The following CCDC141 variants were observed in gnomAD, a reference collection of about 807,000 sequenced individuals.
The protein encoded by CCDC141 is coiled-coil domain-containing protein 141.
A neutral mutation model predicts 181.0 loss-of-function variants in CCDC141; 168 were observed. The observed-to-expected ratio is 0.93, with a 90% CI of 0.82 to 1.05. The LOEUF (loss-of-function observed/expected upper bound fraction) is 1.05, where lower values mean the gene tolerates loss of function less well. Ranked by LOEUF, CCDC141 falls within the 50% of genes least tolerant of loss-of-function variation. The probability of loss-of-function intolerance (pLI) is 0.00; values close to 1 mark genes in which losing one functional copy is unlikely to be tolerated. For synonymous variants in CCDC141, 666 were observed against 642.3 expected (o/e 1.04, Z -0.56); for missense variants, 1,902 against 1,788.5 (o/e 1.06, Z -1.14).
chr2:179,049,481 A>G (rs1412339470), intron 1 of CCDC141, among the ~76,000 whole-genome samples: 1 of 150,986 alleles, frequency 6.6e-6, no homozygotes, highest in Non-Finnish European at 1.5e-5. Context: ...GGTCCATTGG[A>G]CTCTTTAGTC....
chr2:178,854,465 A>G (rs1685299374), intron 19 of CCDC141, among the ~76,000 whole-genome samples: 2 of 152,192 alleles, frequency 1.3e-5, no homozygotes. Flanking sequence ...CAGAGCTTGC[A>G]GTGAGTCGAG....
intron 11 of CCDC141, among the ~76,000 whole-genome samples, chr2:178,883,759 T>C (rs937597507): frequency 3.3e-5 from 5 of 152,118 alleles, no homozygotes; most frequent in Admixed American, 2.0e-4. Flanking sequence ...GGATTGGGGT[T>C]AAATAAACTG....
intron 6 of CCDC141, among the ~76,000 whole-genome samples, chr2:178,934,524 CG>C (rs1421107350): frequency 6.6e-6 from 1 of 152,002 alleles, no homozygotes; most frequent in Non-Finnish European, 1.5e-5. Flanking sequence ...TTTTCATATT[CG>C]GTAAAGAAAG....
At chr2:178,824,061 A>AACACACACACACACAC in the CCDC141 span, among the ~76,000 whole-genome samples, 57 of 147,522 alleles carry the variant, frequency 3.9e-4, no homozygotes, top group South Asian at 1.1e-3. Context: ...TACAGAGAAA[A>AACACACACACACACAC]ACACACACAC....
At chr2:178,960,383 T>A (rs753361538) in intron 5 of CCDC141, among the ~76,000 whole-genome samples, 1 of 152,218 alleles carries the variant, frequency 6.6e-6, no homozygotes, top group Non-Finnish European at 1.5e-5. Flanking sequence ...TCCAGCTATA[T>A]GAATGTCTCT....
At chr2:178,966,114 C>T (rs1247312454) in intron 4 of CCDC141, among the ~76,000 whole-genome samples, 1 of 152,224 alleles carries the variant, frequency 6.6e-6, no homozygotes, top group African/African-American at 2.4e-5. Context: ...GCAGCCGCCC[C>T]AGTCAGGGAC....
At chr2:178,876,721 T>C (rs903674919) in intron 12 of CCDC141, 1 of 152,212 alleles carries the variant, frequency 6.6e-6, no homozygotes, top group South Asian at 2.1e-4. Context: ...GAAAGCTTAC[T>C]TGTCATATCT....
intron 2 of CCDC141, among the ~76,000 whole-genome samples, chr2:179,019,957 T>C (rs1255280798): frequency 6.6e-6 from 1 of 152,026 alleles, no homozygotes; most frequent in East Asian, 1.9e-4. Flanking sequence ...AGTTTCACCA[T>C]GTTGCCCAGG....
At chr2:178,840,954 T>A (rs1481204613) in intron 22 of CCDC141, among the ~76,000 whole-genome samples, 1 of 152,248 alleles carries the variant, frequency 6.6e-6, no homozygotes, top group Non-Finnish European at 1.5e-5. Context: ...TAAACATGTT[T>A]GTTTCTAGAG....
chr2:178,920,549 CT>C (rs768259741), intron 6 of CCDC141, among the ~76,000 whole-genome samples: 1 of 152,102 alleles, frequency 6.6e-6, no homozygotes, highest in Non-Finnish European at 1.5e-5. Flanking sequence ...TGGCAAAACC[CT>C]GTCTCTACAA....
At chr2:178,848,150 T>C (rs2154366829) in intron 21 of CCDC141, among the ~76,000 whole-genome samples, 1 of 152,294 alleles carries the variant, frequency 6.6e-6, no homozygotes, top group Admixed American at 6.5e-5. Flanking sequence ...GCATTTGGGT[T>C]TGGCTCTGAG....
Position 178,832,625 on chromosome 2 carries a change from T to C in CCDC141, c.*1548A>G, listed in dbSNP as rs1413684227. On this transcript the variant is annotated 3_prime_UTR_variant, in exon 24 of 24. Transcript: ENST00000443758. Reference sequence around the variant, plus strand: ...ATTGGATATGCAGCCCAAGAAAGTATACGCCAACTTTTTACTTGACTACAC... The same window carrying C: ...ATTGGATATGCAGCCCAAGAAAGTACACGCCAACTTTTTACTTGACTACAC... 1 of 152,140 alleles carries C rather than the reference T, an allele frequency of 6.6e-6. No individual in the cohort carries two copies. The highest frequency in any genetic ancestry group is 1.5e-5 in the Non-Finnish European group (1 of 68,006). The allele number at this position is 152,140 out of a possible 1,614,324, so 9.4% of individuals were successfully genotyped here.
intron 17 of CCDC141, among the ~76,000 whole-genome samples, chr2:178,861,493 G>C (rs565919052): frequency 6.6e-6 from 1 of 152,090 alleles, no homozygotes; most frequent in East Asian, 1.9e-4. Flanking sequence ...AAAATTAGCT[G>C]GGCATGGTGG....
rs775183674 is a variant in CCDC141 at position 178,865,819 on chromosome 2, C to A, written c.2672G>T (p.Arg891Leu). The A allele has an allele frequency of 2.2e-5, 36 of 1,606,238 alleles. No individual in the cohort carries two copies. The South Asian group carries it at 2.9e-4, about 13-fold the overall frequency. Residue 891 changes from arginine to leucine, a missense_variant, in exon 17 of 24, where the codon CGG becomes CTG. Transcript: ENST00000443758. ...GTACTCCACACTACGGGACAGGGTC[C>A]GTCCATACTCCTCAGCTTTGGCACG... Reference protein sequence around the residue: ...KWRAKAEEYGRTLSRSVEYCA... With the variant: ...KWRAKAEEYGLTLSRSVEYCA...
At chr2:178,906,141 A>G (rs1687957464) in intron 7 of CCDC141, among the ~76,000 whole-genome samples, 2 of 152,334 alleles carry the variant, frequency 1.3e-5, no homozygotes, top group Admixed American at 1.3e-4. Context: ...CAGAAATAGG[A>G]TTATGCATAA....
intron 2 of CCDC141, among the ~76,000 whole-genome samples, chr2:179,010,635 G>A (rs959007590): frequency 6.6e-6 from 1 of 152,008 alleles, no homozygotes; most frequent in African/African-American, 2.4e-5. Flanking sequence ...ACCACTACAG[G>A]AACTGCTAAA....
chr2:178,942,802 G>T (rs1194114486), intron 6 of CCDC141, among the ~76,000 whole-genome samples: 1 of 152,020 alleles, frequency 6.6e-6, no homozygotes, highest in Non-Finnish European at 1.5e-5. Context: ...TCTCAATTTT[G>T]CTGTGAACTT....
At chr2:178,959,960 T>C (rs1026544300) in intron 5 of CCDC141, among the ~76,000 whole-genome samples, 6 of 152,238 alleles carry the variant, frequency 3.9e-5, no homozygotes, top group African/African-American at 1.4e-4. Context: ...CTCATCACAT[T>C]AGAACAATGG....
chr2:179,009,755 C>A (rs1367111142), intron 2 of CCDC141, among the ~76,000 whole-genome samples: 1 of 151,656 alleles, frequency 6.6e-6, no homozygotes, highest in South Asian at 2.1e-4. Flanking sequence ...GTTGGCCTCC[C>A]CAAAAAATCA....
Sources: allele counts gnomAD v4.1 joint callset (sites outside exome capture counted in the v4.1 genomes callset), GRCh38; gene constraint gnomAD v4.1.1; transcripts MANE v1.5; gene names NCBI Gene and HGNC (gene_info 2026-07-23, HGNC 2026-07-21).